The following OSBPL1A variants were observed in gnomAD, a reference collection of about 807,000 sequenced individuals.
OSBPL1A encodes oxysterol binding protein like 1A, also known as oxysterol-binding protein-related protein 1.
A neutral mutation model predicts 137.1 loss-of-function variants in OSBPL1A; 80 were observed. The ratio of observed to expected loss-of-function variants is 0.58; its 90% CI spans 0.49 to 0.70. The LOEUF (loss-of-function observed/expected upper bound fraction) is 0.70. Ranked by LOEUF, OSBPL1A falls within the 30% of genes least tolerant of loss-of-function variation. The pLI, the probability that OSBPL1A is intolerant of heterozygous loss-of-function variation, is 0.00. For synonymous variants in OSBPL1A, 365 were observed against 389.7 expected, an observed-to-expected ratio of 0.94 and a Z score of 0.75; for missense variants, 970 against 1,129.4, an observed-to-expected ratio of 0.86 and a Z score of 2.02.
rs5823419 is a variant in OSBPL1A at position 24,274,233 on chromosome 18, C to CAAA, written c.1281+6606_1281+6608dup. Among the ~76,000 whole-genome samples the CAAA allele has an allele frequency of 4.4e-3, 487 of 110,280 alleles. 11 individuals carry two copies. The highest frequency in any genetic ancestry group is 0.015 in the African/African-American group (446 of 30,498). The allele number at this position is 110,280 out of a possible 152,430, so 72.3% of individuals were successfully genotyped here. A position where few individuals can be genotyped will look rare whatever the true frequency, so the allele number is the denominator to read the frequency against. On this transcript the variant is annotated intron_variant, in intron 15 of 27. Transcript: ENST00000319481. ...TGGGCAACAGAGCGAGACTCCTTCA[C>CAAA]AAAAAAAAAAAAAAAAAAATTGACG...
chr18:24,388,572 G>A (rs1478769010), intron 1 of OSBPL1A, among the ~76,000 whole-genome samples: 1 of 151,976 alleles, frequency 6.6e-6, no homozygotes, highest in Non-Finnish European at 1.5e-5. Context: ...GGCCAAGGCG[G>A]GCGGATCACC....
At chr18:24,262,114 C>T (rs72884858) in intron 15 of OSBPL1A, among the ~76,000 whole-genome samples, 5,867 of 152,128 alleles carry the variant, frequency 0.039, 129 homozygotes, top group African/African-American at 0.045. Flanking sequence ...CTATAATTAG[C>T]GAAATATTTT....
chr18:24,165,465 A>C (rs1029290763), intron 26 of OSBPL1A, among the ~76,000 whole-genome samples: 4 of 152,228 alleles, frequency 2.6e-5, no homozygotes, highest in African/African-American at 9.6e-5. Context: ...ACTTGGGTGC[A>C]AAAACTAAAT....
Position 24,366,942 on chromosome 18 carries a change from T to C in OSBPL1A, c.232A>G (p.Asn78Asp), listed in dbSNP as rs1396788574. ...TGAAGCGGCGTGTCTCCCATGTCAT[T>C]CAACACATTCACTTCTGCACCAGCC... ...LKAGAEVNVL[N>D]DMGDTPLHRA... The change falls in exon 4 of 28, where the codon AAT (asparagine) becomes GAT (aspartate). Residue 78 changes from asparagine to aspartate, a missense_variant. By Grantham distance (23) the Asn-to-Asp change is conservative (BLOSUM62 1). Around this residue, in one of 2 missense-constraint regions of OSBPL1A, gnomAD observed 647 missense variants for 672.6 expected, o/e 0.96. Transcript: ENST00000319481. 2.5e-6 allele frequency: 4 copies of C among 1,612,530 alleles called. No individual in the cohort carries two copies. Among genetic ancestry groups the C allele is most frequent in the Non-Finnish European group, 3.4e-6 (4 of 1,179,342 alleles).
chr18:24,179,435 T>TA (rs77220931), intron 20 of OSBPL1A: 58,496 of 270,154 alleles, frequency 0.22, 2,969 homozygotes, highest in East Asian at 0.34. Context: ...AAACTTAAAG[T>TA]AAAAAAAAAA....
chr18:24,362,380 CTTGAG>C (rs148900451), intron 4 of OSBPL1A, among the ~76,000 whole-genome samples: 2,114 of 152,212 alleles, frequency 0.014, 43 homozygotes, highest in African/African-American at 0.047. Flanking sequence ...TTTTTCTCAG[CTTGAG>C]TTAAGACTCC....
intron 2 of OSBPL1A, among the ~76,000 whole-genome samples, chr18:24,374,667 G>C (rs1422061562): frequency 6.6e-6 from 1 of 152,190 alleles, no homozygotes; most frequent in African/African-American, 2.4e-5. Context: ...GAAGGGAACA[G>C]GAGTGTGTCT....
Position 24,318,808 on chromosome 18 carries a change from A to T in OSBPL1A, c.627T>A (p.Asp209Glu). 1 of 1,613,214 alleles carries T rather than the reference A, an allele frequency of 6.2e-7. No homozygotes were observed. Among genetic ancestry groups the T allele is most frequent in the Non-Finnish European group, 8.5e-7 (1 of 1,179,798 alleles). ...GADPNLKNKN[D>E]QKPLDLAQGA... The stretch of plus-strand genomic sequence containing the variant: ...CCTGGGCAAGGTCAAGAGGTTTCTG[A>T]TCTGTGCAAAATACAAAGAAAAAAA... Residue 209 changes from aspartate (D) to glutamate (E), a missense_variant and splice_region_variant, in exon 8 of 28, where the codon GAT (aspartate) becomes GAA (glutamate). Around this residue, in one of 2 missense-constraint regions of OSBPL1A, gnomAD observed 647 missense variants for 672.6 expected, o/e 0.96. Transcript: ENST00000319481.
At chr18:24,344,830 G>C (rs963370277) in intron 4 of OSBPL1A, among the ~76,000 whole-genome samples, 9 of 152,128 alleles carry the variant, frequency 5.9e-5, no homozygotes, top group African/African-American at 2.2e-4. Context: ...TGTTTTCTTG[G>C]GGGGAGACGG....
intron 1 of OSBPL1A, among the ~76,000 whole-genome samples, chr18:24,395,616 T>A (rs1599748135): frequency 0.045 from 1 of 22 alleles, no homozygotes; most frequent in African/African-American, 0.17. Flanking sequence ...ATGGGGAGAA[T>A]TTTTTTTTTT....
At chr18:24,246,585 G>A (rs1336216651) in intron 15 of OSBPL1A, among the ~76,000 whole-genome samples, 1 of 152,040 alleles carries the variant, frequency 6.6e-6, no homozygotes, top group African/African-American at 2.4e-5. Context: ...GAGGCCAGGA[G>A]TTCGAGACCA....
chr18:24,219,532 T>C (rs752533969), intron 17 of OSBPL1A, among the ~76,000 whole-genome samples: 1 of 152,184 alleles, frequency 6.6e-6, no homozygotes, highest in African/African-American at 2.4e-5. Context: ...TTGGTTGATT[T>C]AAGCATAGCC....
At chr18:24,259,717 C>T (rs1306851250) in intron 15 of OSBPL1A, among the ~76,000 whole-genome samples, 2 of 152,024 alleles carry the variant, frequency 1.3e-5, no homozygotes, top group African/African-American at 4.8e-5. Context: ...TGGTAATACA[C>T]TGATACATGT....
intron 15 of OSBPL1A, among the ~76,000 whole-genome samples, chr18:24,254,089 A>G (rs2089193431): frequency 6.6e-5 from 10 of 152,200 alleles, no homozygotes; most frequent in Admixed American, 6.5e-4. Flanking sequence ...AGCAAGATGG[A>G]GTTGGTTAGG....
rs796480211 is a variant in OSBPL1A at position 24,347,573 on chromosome 18, G to A, written c.283-5915C>T. 6 of 152,386 alleles carry A rather than the reference G, an allele frequency of 3.9e-5. 1 individual carries two copies. Among genetic ancestry groups the A allele is most frequent in the African/African-American group, 1.4e-4 (6 of 41,564 alleles). 9.4% of individuals were successfully genotyped at this position (152,386 alleles called of 1,614,324 possible). A position where few individuals can be genotyped will look rare whatever the true frequency, so the allele number is the denominator to read the frequency against. Reference sequence around the variant, plus strand: ...AATTATGCTTATTGGGCTGGGCACAGTGGCTCTCACCTGTAATCCCAGCAC... The same window carrying A: ...AATTATGCTTATTGGGCTGGGCACAATGGCTCTCACCTGTAATCCCAGCAC... On this transcript the variant is annotated intron_variant, in intron 4 of 27. Coordinates refer to ENST00000319481, the MANE Select transcript of OSBPL1A (RefSeq NM_080597.4).
chr18:24,180,872 G>GTC (rs111578418), intron 19 of OSBPL1A, among the ~76,000 whole-genome samples: 5,897 of 152,098 alleles, frequency 0.039, 383 homozygotes, highest in African/African-American at 0.14. Context: ...GCGAGACTCT[G>GTC]TCTCACACAC....
At chr18:24,304,822 G>A (rs1395289172) in intron 13 of OSBPL1A, among the ~76,000 whole-genome samples, 1 of 152,278 alleles carries the variant, frequency 6.6e-6, no homozygotes, top group East Asian at 1.9e-4. Flanking sequence ...ATTAGTGACA[G>A]GCAATATTCT....
At chr18:24,208,978 A>G (rs2087452187) in intron 17 of OSBPL1A, among the ~76,000 whole-genome samples, 1 of 152,214 alleles carries the variant, frequency 6.6e-6, no homozygotes. Context: ...ACCAGAGAGC[A>G]CCAGGGCAGT....
chr18:24,243,060 T>A (rs1415064251), intron 15 of OSBPL1A, among the ~76,000 whole-genome samples: 1 of 151,920 alleles, frequency 6.6e-6, no homozygotes, highest in East Asian at 1.9e-4. Context: ...CGAAACCCCA[T>A]CTCTACTGAA....
Sources: allele counts gnomAD v4.1 joint callset (sites outside exome capture counted in the v4.1 genomes callset), GRCh38; gene constraint gnomAD v4.1.1; regional missense constraint gnomAD v4.1.1; transcripts MANE v1.5; gene names NCBI Gene and HGNC (gene_info 2026-07-23, HGNC 2026-07-21).